Variants in ENPP1 observed in about 807,000 individuals in gnomAD.
ENPP1 encodes the protein ectonucleotide pyrophosphatase/phosphodiesterase family member 1.
Under a neutral mutation model 122.8 loss-of-function variants are expected in ENPP1, and 73 were observed. The ratio of observed to expected loss-of-function variants is 0.59; its 90% CI spans 0.49 to 0.72. The LOEUF is 0.72. Ranked by LOEUF, ENPP1 falls within the 30% of genes least tolerant of loss-of-function variation. The probability of loss-of-function intolerance (pLI) is 0.00; values close to 1 mark genes in which losing one functional copy is unlikely to be tolerated. For synonymous variants in ENPP1, 367 were observed against 391.6 expected, an observed-to-expected ratio of 0.94 and a Z score of 0.74; for missense variants, 978 against 1,128.1, an observed-to-expected ratio of 0.87 and a Z score of 1.91.
intron 8 of ENPP1, among the ~76,000 whole-genome samples, 170 bp downstream of exon 8, chr6:131,860,676 A>T (rs1782010350): frequency 6.6e-6 from 1 of 152,160 alleles, no homozygotes; most frequent in African/African-American, 2.4e-5. Context: ...TAACTTGTAT[A>T]ATTGCGTAAA....
At chr6:131,889,931 T>C (rs1328837017) in intron 24 of ENPP1, among the ~76,000 whole-genome samples, 1 of 151,284 alleles carries the variant, frequency 6.6e-6, no homozygotes, top group Non-Finnish European at 1.5e-5. Context: ...TTCCTTTTTC[T>C]CCACAACCTT....
At chr6:131,812,358 TC>T (rs1781365377) in intron 1 of ENPP1, among the ~76,000 whole-genome samples, 1 of 152,214 alleles carries the variant, frequency 6.6e-6, no homozygotes, top group South Asian at 2.1e-4. Context: ...GAGGAAGATG[TC>T]CACTTAGGCA....
At chr6:131,808,442 T>C (rs1246602682) in intron 1 of ENPP1, among the ~76,000 whole-genome samples, 167 bp downstream of exon 1, 1 of 152,208 alleles carries the variant, frequency 6.6e-6, no homozygotes, top group Non-Finnish European at 1.5e-5. Context: ...GCAAGTGCCC[T>C]ACACAGCCGC....
At chr6:131,822,110 C>T (rs1268730952) in intron 1 of ENPP1, among the ~76,000 whole-genome samples, 1 of 152,144 alleles carries the variant, frequency 6.6e-6, no homozygotes, top group East Asian at 1.9e-4. Flanking sequence ...AAGCAGGAAA[C>T]AACTCTACTT....
At chr6:131,819,771 A>G (rs1044881275) in intron 1 of ENPP1, 1 of 345,528 alleles carries the variant, frequency 2.9e-6, no homozygotes, top group Non-Finnish European at 5.7e-6. Flanking sequence ...ATGAATATGC[A>G]TGTCCAGTTG....
chr6:131,819,748 G>A, intron 1 of ENPP1: 1 of 294,596 alleles, frequency 3.4e-6, no homozygotes, highest in Non-Finnish European at 6.8e-6. Context: ...CTTCTTGATG[G>A]TTTCTTTCTG....
At chr6:131,856,909 G>A (rs866456553) in intron 6 of ENPP1, among the ~76,000 whole-genome samples, 2,032 of 152,166 alleles carry the variant, frequency 0.013, 45 homozygotes, top group African/African-American at 0.044. Context: ...AGTATAGTTC[G>A]AAGTCAGGTA....
Position 131,885,017 on chromosome 6 carries a change from G to C in ENPP1, c.2398G>C (p.Asp800His). 1.2e-6 allele frequency: 2 copies of C among 1,614,038 alleles called. No individual in the cohort carries two copies. The highest frequency in any genetic ancestry group is 1.7e-6 in the Non-Finnish European group (2 of 1,179,974). ...CAATGTCGTCAGTGGTCCTGTGTTTGACTTTGATTATGATGGACGTTGTGA... is the reference window on the plus strand; with the variant it reads ...CAATGTCGTCAGTGGTCCTGTGTTTCACTTTGATTATGATGGACGTTGTGA... ...GVNVVSGPVF[D>H]FDYDGRCDSL... is the part of the protein sequence containing the mutation. The change falls in exon 23 of 25, where the codon GAC (aspartate) becomes CAC (histidine). Residue 800 changes from aspartate (D) to histidine (H), a missense_variant. Physicochemically the swap from Asp to His is moderately conservative, Grantham distance 81. Coordinates refer to ENST00000647893, the MANE Select transcript of ENPP1 (RefSeq NM_006208.3).
intron 20 of ENPP1, 42 bp from the exon 21 acceptor site, chr6:131,882,303 T>G: frequency 2.6e-6 from 4 of 1,564,208 alleles, no homozygotes; most frequent in Non-Finnish European, 3.5e-6. Context: ...TTTTCTTCTC[T>G]GTGCCTGATA....
At chr6:131,858,292 C>T (rs1335617841) in intron 6 of ENPP1, among the ~76,000 whole-genome samples, 1 of 152,156 alleles carries the variant, frequency 6.6e-6, no homozygotes, top group Non-Finnish European at 1.5e-5. Context: ...CTCCTTCATC[C>T]TTGTTTTAAT....
intron 20 of ENPP1, 26 bp from the exon 21 acceptor site, chr6:131,882,319 G>T: frequency 6.4e-7 from 1 of 1,554,260 alleles, no homozygotes; most frequent in African/African-American, 2.0e-5. Context: ...TGATATCTGA[G>T]AGTTCTTCTC....
At chr6:131,877,514 G>T in intron 18 of ENPP1, 1 of 305,116 alleles carries the variant, frequency 3.3e-6, no homozygotes, top group Non-Finnish European at 6.3e-6. Context: ...GAGGTGATGA[G>T]CACATAGTAA....
At chr6:131,849,554 A>T (rs1781854784) in intron 2 of ENPP1, among the ~76,000 whole-genome samples, 1 of 152,172 alleles carries the variant, frequency 6.6e-6, no homozygotes, top group Non-Finnish European at 1.5e-5. Flanking sequence ...TCCTTTCTAA[A>T]ATATTCTTAA....
intron 9 of ENPP1, among the ~76,000 whole-genome samples, chr6:131,863,028 A>G (rs752957067): frequency 3.3e-5 from 5 of 152,190 alleles, no homozygotes; most frequent in African/African-American, 4.8e-5. Flanking sequence ...ATGAACAAGG[A>G]CAGCTTAAAG....
At chr6:131,878,454 T>C in intron 18 of ENPP1, 88 bp from the exon 19 acceptor site, 1 of 813,832 alleles carries the variant, frequency 1.2e-6, no homozygotes, top group Non-Finnish European at 2.1e-6. Flanking sequence ...TTGTTCTATG[T>C]TGGAATAATC....
intron 1 of ENPP1, among the ~76,000 whole-genome samples, chr6:131,839,125 C>T (rs6916495): frequency 0.12 from 18,062 of 152,070 alleles, 1,151 homozygotes; most frequent in East Asian, 0.18. Flanking sequence ...TTTTTACTGT[C>T]GTTGTCCTGG....
At chr6:131,887,605 C>T (rs1782399290) in intron 24 of ENPP1, among the ~76,000 whole-genome samples, 1 of 140,718 alleles carries the variant, frequency 7.1e-6, no homozygotes, top group South Asian at 2.3e-4. Flanking sequence ...GGCTTCCAGG[C>T]TGGAGTGCAG....
intron 1 of ENPP1, among the ~76,000 whole-genome samples, chr6:131,815,264 G>A (rs1304958599): frequency 4.6e-5 from 7 of 152,060 alleles, no homozygotes; most frequent in Admixed American, 6.5e-5. Context: ...TGTGGCAGTC[G>A]GCATGTATGA....
Position 131,872,870 on chromosome 6 carries a change from C to CT in ENPP1, c.1438-47dup, listed in dbSNP as rs35943438. On this transcript the variant is annotated intron_variant, in intron 14 of 24. Coordinates refer to ENST00000647893, the MANE Select transcript of ENPP1 (RefSeq NM_006208.3). ...ATATCTTTCCCTAAAAAAGTTGACA[C>CT]TTTTTTAGATATTAGGGAAATAATA... The CT allele has an allele frequency of 1.3e-5, 20 of 1,592,132 alleles. No homozygotes were observed. In the Middle Eastern group the frequency reaches 5.0e-4, roughly 40 times the overall value.
Sources: allele counts gnomAD v4.1 joint callset (sites outside exome capture counted in the v4.1 genomes callset), GRCh38; gene constraint gnomAD v4.1.1; transcripts MANE v1.5; gene names NCBI Gene and HGNC (gene_info 2026-07-23, HGNC 2026-07-21).